GRIK4: variants seen among roughly 807,000 people sequenced by gnomAD.
GRIK4 encodes the protein glutamate receptor ionotropic, kainate 4.
A neutral mutation model predicts 104.9 loss-of-function variants in GRIK4; 40 were observed. The ratio of observed to expected loss-of-function variants is 0.38; its 90% CI spans 0.30 to 0.50. The LOEUF (loss-of-function observed/expected upper bound fraction) is 0.50. Ranked by LOEUF, GRIK4 falls within the 20% of genes least tolerant of loss-of-function variation. The pLI is 0.93. For synonymous variants in GRIK4, 485 were observed against 524.9 expected, an observed-to-expected ratio of 0.92 and a Z score of 1.04; for missense variants, 1,047 against 1,308.1, an observed-to-expected ratio of 0.80 and a Z score of 3.08.
intron 1 of GRIK4, among the ~76,000 whole-genome samples, chr11:120,609,848 T>G (rs958851322): frequency 2.0e-5 from 3 of 152,128 alleles, no homozygotes; most frequent in African/African-American, 7.2e-5. Flanking sequence ...TACCCCTTTC[T>G]CCTTCTACTG....
intron 13 of GRIK4, among the ~76,000 whole-genome samples, chr11:120,911,884 C>T (rs558844905): frequency 4.2e-4 from 63 of 149,952 alleles, no homozygotes; most frequent in African/African-American, 1.3e-3. Context: ...TTCTCTTATA[C>T]GGAGGTAGAC....
chr11:120,643,340 A>G (rs1382180314), intron 1 of GRIK4, among the ~76,000 whole-genome samples: 1 of 152,164 alleles, frequency 6.6e-6, no homozygotes, highest in Non-Finnish European at 1.5e-5. Flanking sequence ...TATTTGGAGG[A>G]ACGTGTTCTA....
chr11:120,836,731 C>T, intron 7 of GRIK4, 60 bp from the exon 8 acceptor site: 3 of 1,074,948 alleles, frequency 2.8e-6, no homozygotes, highest in Non-Finnish European at 4.4e-6. Flanking sequence ...ACCCCTACTG[C>T]TCATTTGCTT....
At chr11:120,810,957 G>C (rs1260242439) in intron 4 of GRIK4, among the ~76,000 whole-genome samples, 1 of 152,092 alleles carries the variant, frequency 6.6e-6, no homozygotes, top group Non-Finnish European at 1.5e-5. Flanking sequence ...ATTTCACTTA[G>C]GGGTTAGAGA....
At chr11:120,670,696 T>A (rs1415419578) in intron 3 of GRIK4, among the ~76,000 whole-genome samples, 1 of 145,690 alleles carries the variant, frequency 6.9e-6, no homozygotes, top group African/African-American at 2.6e-5. Context: ...TGCTTCCTTT[T>A]TCTTTTTTTT....
At position 120,985,971 on chromosome 11, in the gene GRIK4, C is replaced by T. The variant is rs762340884; in HGVS notation, c.2582C>T (p.Pro861Leu). 137 of 1,536,652 alleles carry T rather than the reference C, an allele frequency of 8.9e-5. No homozygotes were observed. The highest frequency in any genetic ancestry group is 1.0e-4 in the Non-Finnish European group (118 of 1,141,758). The change falls in exon 21 of 21, where the codon CCC becomes CTC. Residue 861 changes from proline (P) to leucine (L), a missense_variant. Physicochemically the swap from Pro to Leu is moderately conservative, Grantham distance 98 (BLOSUM62 -3). This residue lies in a region of GRIK4 where 440 missense variants were observed against 652.3 expected (regional missense o/e 0.67). Coordinates refer to ENST00000527524, the MANE Select transcript of GRIK4 (RefSeq NM_014619.5). ...ATCCTGTGTCAGGACAGTATCCACCCCCGCCGGCGGCGCGCCGCAGTCCCG... is the reference window on the plus strand; with the variant it reads ...ATCCTGTGTCAGGACAGTATCCACCTCCGCCGGCGGCGCGCCGCAGTCCCG... The part of the protein sequence containing the change: ...SIILCQDSIH[P>L]RRRRAAVPPP...
intron 3 of GRIK4, among the ~76,000 whole-genome samples, chr11:120,730,040 T>C (rs1157899437): frequency 6.6e-6 from 1 of 152,158 alleles, no homozygotes; most frequent in Non-Finnish European, 1.5e-5. Context: ...CCAGTGTACA[T>C]TCTTGGCACC....
At chr11:120,938,140 C>G (rs996443092) in intron 13 of GRIK4, among the ~76,000 whole-genome samples, 5 of 152,098 alleles carry the variant, frequency 3.3e-5, no homozygotes, top group African/African-American at 1.2e-4. Context: ...CAATTTGGTT[C>G]ATTTCTGTTA....
chr11:120,964,173 G>A (rs1310044910), intron 18 of GRIK4, among the ~76,000 whole-genome samples: 1 of 151,788 alleles, frequency 6.6e-6, no homozygotes, highest in Non-Finnish European at 1.5e-5. Flanking sequence ...TGTATTTTTG[G>A]TAGAGACGGG....
At chr11:120,980,822 C>T (rs969764107) in intron 19 of GRIK4, among the ~76,000 whole-genome samples, 5 of 152,252 alleles carry the variant, frequency 3.3e-5, no homozygotes, top group South Asian at 2.1e-4. Context: ...CAGTTGTAGG[C>T]AGGGACAGCT....
intron 1 of GRIK4, among the ~76,000 whole-genome samples, chr11:120,573,745 A>G (rs941609058): frequency 6.6e-6 from 1 of 151,956 alleles, no homozygotes. Flanking sequence ...CAGTGTGTGG[A>G]TGGGCCTGAC....
intron 1 of GRIK4, among the ~76,000 whole-genome samples, chr11:120,577,217 C>T (rs976786545): frequency 3.3e-5 from 5 of 152,252 alleles, no homozygotes; most frequent in Middle Eastern, 6.8e-3. Flanking sequence ...AGGCACAGTG[C>T]TGTCCTGAAC....
At chr11:120,685,151 A>G (rs915328764) in intron 3 of GRIK4, among the ~76,000 whole-genome samples, 2 of 152,206 alleles carry the variant, frequency 1.3e-5, no homozygotes, top group African/African-American at 2.4e-5. Flanking sequence ...CTGGAAAGGA[A>G]AGGTGCCAAG....
chr11:120,702,198 C>T (rs1053799032), intron 3 of GRIK4, among the ~76,000 whole-genome samples: 5 of 152,176 alleles, frequency 3.3e-5, no homozygotes, highest in African/African-American at 1.2e-4. Flanking sequence ...TTGTGATCCG[C>T]AGGCCTCGGC....
intron 3 of GRIK4, among the ~76,000 whole-genome samples, chr11:120,678,972 T>C (rs1950148834): frequency 6.6e-6 from 1 of 152,016 alleles, no homozygotes; most frequent in South Asian, 2.1e-4. Context: ...GTTTTTGTTT[T>C]TAAAGAGCCA....
At chr11:120,851,715 A>G (rs1306052875) in intron 8 of GRIK4, among the ~76,000 whole-genome samples, 2 of 130,474 alleles carry the variant, frequency 1.5e-5, no homozygotes, top group East Asian at 4.3e-4. Flanking sequence ...CCCCGCCCCC[A>G]CTGTGGGAAC....
intron 1 of GRIK4, among the ~76,000 whole-genome samples, chr11:120,518,029 G>T (rs1248515516): frequency 6.6e-6 from 1 of 152,212 alleles, no homozygotes; most frequent in Admixed American, 6.5e-5. Context: ...GCCGGTATTG[G>T]CCGGTTTCTG....
chr11:120,652,013 C>T (rs1213020812), intron 1 of GRIK4, among the ~76,000 whole-genome samples: 4 of 152,156 alleles, frequency 2.6e-5, no homozygotes, highest in African/African-American at 2.4e-5. Flanking sequence ...CCGGAGCCAA[C>T]GCCCAGTTCC....
At chr11:120,731,381 C>G (rs1951127181) in intron 3 of GRIK4, among the ~76,000 whole-genome samples, 1 of 151,742 alleles carries the variant, frequency 6.6e-6, no homozygotes, top group Non-Finnish European at 1.5e-5. Context: ...GCTTGATTGT[C>G]ATATGTTGAA....
Sources: allele counts gnomAD v4.1 joint callset (sites outside exome capture counted in the v4.1 genomes callset), GRCh38; gene constraint gnomAD v4.1.1; regional missense constraint gnomAD v4.1.1; transcripts MANE v1.5; gene names NCBI Gene and HGNC (gene_info 2026-07-23, HGNC 2026-07-21).